The following CTNNA3 variants were observed in gnomAD, a reference collection of about 807,000 sequenced individuals.
The protein encoded by CTNNA3 is catenin alpha-3.
Under a neutral mutation model 95.7 loss-of-function variants are expected in CTNNA3, and 76 were observed. The observed-to-expected ratio is 0.79, with a 90% CI of 0.66 to 0.96. The LOEUF (loss-of-function observed/expected upper bound fraction) is 0.96. Among genes scored for constraint, CTNNA3 ranks in the 40% least tolerant of loss-of-function variants. CTNNA3 has a pLI of 0.00. For missense variants in CTNNA3, 1,191 were observed against 1,089.8 expected (o/e 1.09, Z -1.31); for synonymous variants, 431 against 374.4 (o/e 1.15, Z -1.74).
chr10:65,933,543 A>T (rs925056475), intron 17 of CTNNA3, among the ~76,000 whole-genome samples: 11 of 152,212 alleles, frequency 7.2e-5, no homozygotes, highest in African/African-American at 2.6e-4. Flanking sequence ...GCATCATAGC[A>T]AAAAAACGAA....
At chr10:67,274,024 A>T (rs1839088318) in intron 5 of CTNNA3, among the ~76,000 whole-genome samples, 1 of 152,230 alleles carries the variant, frequency 6.6e-6, no homozygotes, top group Non-Finnish European at 1.5e-5. Context: ...AGATTTAGGC[A>T]TTTAAATGAA....
chr10:67,339,640 A>G (rs1250184516), intron 5 of CTNNA3, among the ~76,000 whole-genome samples: 11 of 236 alleles, frequency 0.047, no homozygotes, highest in Admixed American at 0.34. Context: ...AACTAAATAC[A>G]ACATGTTCTG....
chr10:67,422,478 T>C (rs1845779942), intron 5 of CTNNA3, among the ~76,000 whole-genome samples: 1 of 152,146 alleles, frequency 6.6e-6, no homozygotes, highest in Non-Finnish European at 1.5e-5. Context: ...CCAACTTTTT[T>C]GTAATTTTAA....
At chr10:66,106,221 GA>G (rs150337948) in intron 13 of CTNNA3, among the ~76,000 whole-genome samples, 24,697 of 145,814 alleles carry the variant, frequency 0.17, 2,497 homozygotes, top group South Asian at 0.35. Flanking sequence ...AAAAAAAAAA[GA>G]AAAAAAAATG....
intron 5 of CTNNA3, among the ~76,000 whole-genome samples, chr10:67,418,422 C>T (rs1213334612): frequency 6.6e-6 from 1 of 151,294 alleles, no homozygotes; most frequent in Non-Finnish European, 1.5e-5. Context: ...TTCACAACAG[C>T]CAAGATAAGA....
At chr10:67,726,412 TATA>T (rs1293892999) in intron 1 of CTNNA3, among the ~76,000 whole-genome samples, 1 of 61,020 alleles carries the variant, frequency 1.6e-5, no homozygotes, top group African/African-American at 1.1e-4. Context: ...TTATATCATA[TATA>T]ATATTATATA....
At chr10:67,609,130 A>G (rs1020978541) in intron 2 of CTNNA3, among the ~76,000 whole-genome samples, 20 of 151,300 alleles carry the variant, frequency 1.3e-4, no homozygotes, top group African/African-American at 4.9e-4. Context: ...TCTTAATTAA[A>G]TCTTGGATCA....
At chr10:66,892,308 T>C (rs1262602585) in intron 7 of CTNNA3, among the ~76,000 whole-genome samples, 6 of 152,144 alleles carry the variant, frequency 3.9e-5, no homozygotes, top group African/African-American at 1.4e-4. Context: ...TTTGAATCTG[T>C]TTCTTGTTTC....
At chr10:67,132,917 G>T (rs1278950830) in intron 7 of CTNNA3, among the ~76,000 whole-genome samples, 1 of 151,878 alleles carries the variant, frequency 6.6e-6, no homozygotes, top group African/African-American at 2.4e-5. Flanking sequence ...ACTGGGACGG[G>T]TGAGTGGGGG....
intron 15 of CTNNA3, among the ~76,000 whole-genome samples, chr10:65,992,709 T>C (rs2078569764): frequency 6.6e-6 from 1 of 152,110 alleles, no homozygotes; most frequent in Non-Finnish European, 1.5e-5. Flanking sequence ...TTTGTTGATC[T>C]TTCGTATTTT....
At chr10:67,086,689 A>G (rs1018463623) in intron 7 of CTNNA3, among the ~76,000 whole-genome samples, 7 of 152,152 alleles carry the variant, frequency 4.6e-5, no homozygotes, top group Admixed American at 1.3e-4. Context: ...ATAAATGCCA[A>G]TGTTCAGGGA....
chr10:67,483,409 C>T (rs1290041779), intron 5 of CTNNA3, among the ~76,000 whole-genome samples: 2 of 148,058 alleles, frequency 1.4e-5, no homozygotes, highest in African/African-American at 2.6e-5. Context: ...AAATGTGGCA[C>T]ATATACACCA....
chr10:66,008,193 T>C (rs12359372), intron 15 of CTNNA3, among the ~76,000 whole-genome samples: 52,101 of 151,858 alleles, frequency 0.34, 9,062 homozygotes, highest in Admixed American at 0.41. Flanking sequence ...TGGGGTTATT[T>C]AGGAAGAAAA....
At chr10:67,077,722 GATA>G (rs1472735761) in intron 7 of CTNNA3, among the ~76,000 whole-genome samples, 16 of 151,940 alleles carry the variant, frequency 1.1e-4, no homozygotes, top group Non-Finnish European at 2.2e-4. Flanking sequence ...ATCCCCTTAT[GATA>G]ATATCTATTT....
chr10:66,020,194 AT>A (rs551031459), intron 15 of CTNNA3, among the ~76,000 whole-genome samples: 359 of 152,340 alleles, frequency 2.4e-3, no homozygotes, highest in Non-Finnish European at 3.4e-3. Flanking sequence ...ATCAATTTTA[AT>A]TTGGGATAAA....
At chr10:67,415,180 T>G (rs1366304269) in intron 5 of CTNNA3, among the ~76,000 whole-genome samples, 1 of 152,178 alleles carries the variant, frequency 6.6e-6, no homozygotes, top group Non-Finnish European at 1.5e-5. Flanking sequence ...GAGAAAGAAA[T>G]AAAAGGAATT....
chr10:66,180,549 A>G (rs1338672474), intron 13 of CTNNA3, among the ~76,000 whole-genome samples: 1 of 152,166 alleles, frequency 6.6e-6, no homozygotes, highest in Non-Finnish European at 1.5e-5. Context: ...CCCAGAATAC[A>G]TCTCAAAAAG....
intron 1 of CTNNA3, among the ~76,000 whole-genome samples, chr10:67,670,850 A>G (rs867623599): frequency 3.9e-5 from 6 of 152,168 alleles, no homozygotes; most frequent in African/African-American, 1.4e-4. Context: ...TACATATGCT[A>G]TATACGTCTA....
At chr10:67,131,123 G>T (rs1043179760) in intron 7 of CTNNA3, among the ~76,000 whole-genome samples, 2 of 151,906 alleles carry the variant, frequency 1.3e-5, no homozygotes, top group African/African-American at 2.4e-5. Flanking sequence ...TACCAACTCA[G>T]AACTCAGAAT....
Sources: gnomAD v4.1 joint callset for allele counts (sites outside exome capture counted in the v4.1 genomes callset) on GRCh38, gnomAD v4.1.1 for gene constraint, MANE v1.5 for transcripts, NCBI Gene and HGNC (gene_info 2026-07-23, HGNC 2026-07-21) for gene names.